NELL2: variants seen among roughly 807,000 people sequenced by gnomAD.
NELL2 encodes the protein neural EGFL like 2, also known as protein kinase C-binding protein NELL2.
A neutral mutation model predicts 109.6 loss-of-function variants in NELL2; 41 were observed. The ratio of observed to expected loss-of-function variants is 0.37; its 90% CI spans 0.29 to 0.49. The LOEUF is 0.49. Ranked by LOEUF, NELL2 falls within the 20% of genes least tolerant of loss-of-function variation. The probability of loss-of-function intolerance (pLI) is 0.98; values close to 1 mark genes in which losing one functional copy is unlikely to be tolerated. For synonymous variants in NELL2, 355 were observed against 344.7 expected (o/e 1.03, Z -0.33); for missense variants, 900 against 1,008.3 (o/e 0.89, Z 1.45).
intron 9 of NELL2, among the ~76,000 whole-genome samples, chr12:44,726,143 GAT>G (rs1184018802): frequency 1.3e-5 from 2 of 151,842 alleles, no homozygotes; most frequent in Non-Finnish European, 2.9e-5. Context: ...AATAACAGTA[GAT>G]ATACACACAT....
chr12:44,777,342 C>T, intron 5 of NELL2, 28 bp from the exon 6 acceptor site: 1 of 1,584,764 alleles, frequency 6.3e-7, no homozygotes, highest in Non-Finnish European at 8.7e-7. Flanking sequence ...AAAAAAAAGA[C>T]ATATTACTTT....
chr12:44,746,126 C>A (rs1366428898), intron 9 of NELL2, among the ~76,000 whole-genome samples: 3 of 152,028 alleles, frequency 2.0e-5, no homozygotes, highest in East Asian at 1.9e-4. Flanking sequence ...CAGAACAGAG[C>A]CCTCAGAAAT....
intron 2 of NELL2, among the ~76,000 whole-genome samples, chr12:44,857,028 T>C (rs1944704455): frequency 6.6e-6 from 1 of 152,146 alleles, no homozygotes; most frequent in South Asian, 2.1e-4. Flanking sequence ...AAAAAAATTA[T>C]AATACAGTGT....
intron 3 of NELL2, among the ~76,000 whole-genome samples, chr12:44,814,227 T>C (rs990817261): frequency 6.6e-6 from 1 of 152,106 alleles, no homozygotes; most frequent in East Asian, 1.9e-4. Context: ...CCATCATCTA[T>C]GTAAGGGATG....
At chr12:44,694,485 T>C (rs1028283491) in intron 12 of NELL2, among the ~76,000 whole-genome samples, 1 of 149,752 alleles carries the variant, frequency 6.7e-6, no homozygotes, top group Non-Finnish European at 1.5e-5. Flanking sequence ...TAATAATAAA[T>C]CTCACATATG....
At chr12:44,822,828 G>A (rs975312274) in intron 2 of NELL2, among the ~76,000 whole-genome samples, 2 of 152,148 alleles carry the variant, frequency 1.3e-5, no homozygotes, top group African/African-American at 4.8e-5. Context: ...TTTTAGTCAT[G>A]GGACTACCAG....
At chr12:44,907,160 C>A (rs1945728470) in intron 1 of NELL2, among the ~76,000 whole-genome samples, 1 of 152,104 alleles carries the variant, frequency 6.6e-6, no homozygotes, top group African/African-American at 2.4e-5. Flanking sequence ...AAGGCCTCCC[C>A]AGCCCTGCAG....
chr12:44,790,572 A>G (rs1271125469), intron 3 of NELL2, among the ~76,000 whole-genome samples: 1 of 152,134 alleles, frequency 6.6e-6, no homozygotes, highest in African/African-American at 2.4e-5. Context: ...TACAACGTAA[A>G]AAGCAAAAAC....
At chr12:44,748,695 C>A (rs1940508570) in intron 9 of NELL2, among the ~76,000 whole-genome samples, 1 of 152,204 alleles carries the variant, frequency 6.6e-6, no homozygotes, top group African/African-American at 2.4e-5. Flanking sequence ...AGTCAGGCAG[C>A]TTTGGCTTAC....
chr12:44,667,164 C>A (rs1398097634), intron 12 of NELL2, among the ~76,000 whole-genome samples: 2 of 152,266 alleles, frequency 1.3e-5, no homozygotes. Flanking sequence ...ACATATTCCT[C>A]AATGGTATAA....
At chr12:44,578,804 A>C (rs951220306) in intron 15 of NELL2, among the ~76,000 whole-genome samples, 1 of 152,160 alleles carries the variant, frequency 6.6e-6, no homozygotes, top group Non-Finnish European at 1.5e-5. Flanking sequence ...CATGGTTTGA[A>C]TTGTAAGAGT....
chr12:44,598,160 T>C (rs1945042814), intron 15 of NELL2, among the ~76,000 whole-genome samples: 1 of 85,386 alleles, frequency 1.2e-5, no homozygotes. Context: ...TAATTTATTC[T>C]CTCAAAAAAA....
At chr12:44,676,561 C>A (rs1256049991) in intron 12 of NELL2, among the ~76,000 whole-genome samples, 4 of 152,014 alleles carry the variant, frequency 2.6e-5, no homozygotes, top group Non-Finnish European at 5.9e-5. Context: ...TTCTTGACAT[C>A]TCAAAATAAT....
intron 12 of NELL2, among the ~76,000 whole-genome samples, chr12:44,671,601 GA>G (rs1267638222): frequency 6.6e-6 from 1 of 152,082 alleles, no homozygotes; most frequent in East Asian, 1.9e-4. Flanking sequence ...TGATACCACA[GA>G]AATAGAAAGG....
chr12:44,840,012 T>A (rs1393696806), intron 2 of NELL2, among the ~76,000 whole-genome samples: 1 of 152,202 alleles, frequency 6.6e-6, no homozygotes, highest in African/African-American at 2.4e-5. Context: ...CTCCCACATG[T>A]GTGCTGCATT....
intron 15 of NELL2, among the ~76,000 whole-genome samples, chr12:44,581,572 T>C (rs1185282762): frequency 1.3e-5 from 2 of 152,186 alleles, no homozygotes; most frequent in African/African-American, 4.8e-5. Context: ...CTTAAAAATA[T>C]TATGTACAAA....
intron 19 of NELL2, among the ~76,000 whole-genome samples, chr12:44,514,382 T>G (rs1941152325): frequency 1.3e-5 from 2 of 151,890 alleles, no homozygotes; most frequent in African/African-American, 4.8e-5. Flanking sequence ...AGTTTATCTT[T>G]CCACAGTTTC....
chr12:44,671,313 A>G (rs1205482175), intron 12 of NELL2, among the ~76,000 whole-genome samples: 1 of 152,224 alleles, frequency 6.6e-6, no homozygotes, highest in African/African-American at 2.4e-5. Flanking sequence ...GGAAACTTAT[A>G]GTAATAAATG....
At chr12:44,628,977 G>A (rs1946360621) in intron 13 of NELL2, among the ~76,000 whole-genome samples, 1 of 151,216 alleles carries the variant, frequency 6.6e-6, no homozygotes, top group African/African-American at 2.5e-5. Context: ...TAGCTTCTCT[G>A]TTCAGTGTAG....
Sources: allele counts gnomAD v4.1 joint callset (sites outside exome capture counted in the v4.1 genomes callset), GRCh38; gene constraint gnomAD v4.1.1; transcripts MANE v1.5; gene names NCBI Gene and HGNC (gene_info 2026-07-23, HGNC 2026-07-21).